The following EPB41L2 variants were observed in gnomAD, a reference collection of about 807,000 sequenced individuals.
EPB41L2 encodes erythrocyte membrane protein band 4.1 like 2, also known as band 4.1-like protein 2.
A neutral mutation model predicts 113.0 loss-of-function variants in EPB41L2; 43 were observed. The observed-to-expected ratio is 0.38, with a 90% confidence interval of 0.30 to 0.49. The LOEUF (loss-of-function observed/expected upper bound fraction) is 0.49, where lower values mean the gene tolerates loss of function less well. Ranked by LOEUF, EPB41L2 falls within the 20% of genes least tolerant of loss-of-function variation. EPB41L2 has a pLI of 0.95. For synonymous variants in EPB41L2, 442 were observed against 436.7 expected (o/e 1.01, Z -0.15); for missense variants, 1,147 against 1,223.4 (o/e 0.94, Z 0.93).
intron 3 of EPB41L2, 94 bp from the exon 4 acceptor site, chr6:130,926,803 AAATT>A: frequency 4.2e-6 from 3 of 719,614 alleles, no homozygotes; most frequent in Non-Finnish European, 6.7e-6. Context: ...GATTTATTAT[AAATT>A]AACATTAAAT....
intron 4 of EPB41L2, among the ~76,000 whole-genome samples, chr6:130,910,924 G>A (rs533515242): frequency 4.8e-4 from 73 of 152,236 alleles, no homozygotes; most frequent in Non-Finnish European, 9.1e-4. Context: ...TACACTGTTG[G>A]TGGGAGTGTA....
chr6:130,954,181 T>C (rs1816569719), intron 3 of EPB41L2, among the ~76,000 whole-genome samples: 1 of 150,090 alleles, frequency 6.7e-6, no homozygotes. Flanking sequence ...GCCTCCCCAG[T>C]AGCTGGGAAT....
rs937125173 is a variant in EPB41L2 at position 130,916,503 on chromosome 6, A to G, written c.811-7640T>C. 3.9e-5 allele frequency among the ~76,000 whole-genome samples: 6 copies of G among 152,232 alleles called. No homozygotes were observed. The South Asian group carries it at 1.2e-3, about 32-fold the overall frequency. ...GAATACCAGTGTTAGAAAGAACCTCAGAATAATGGTCCAAATGTCCATATT... is the reference window on the plus strand; with the variant it reads ...GAATACCAGTGTTAGAAAGAACCTCGGAATAATGGTCCAAATGTCCATATT... On this transcript the variant is annotated intron_variant, in intron 4 of 19. Transcript: ENST00000337057.
At chr6:130,883,300 G>A (rs3777440) in intron 12 of EPB41L2, 62,964 of 152,222 alleles carry the variant, frequency 0.41, 15,464 homozygotes, top group Non-Finnish European at 0.52. Context: ...CTTTAAAGGA[G>A]GGACCATATT....
chr6:130,880,369 A>G (rs758837043), intron 12 of EPB41L2, 163 bp from the exon 13 acceptor site: 616 of 621,380 alleles, frequency 9.9e-4, no homozygotes, highest in Non-Finnish European at 1.5e-3. Flanking sequence ...ACTCACAAAT[A>G]AACCCTGAGA....
intron 1 of EPB41L2, among the ~76,000 whole-genome samples, chr6:130,987,856 T>A (rs1007794979): frequency 6.6e-6 from 1 of 151,354 alleles, no homozygotes; most frequent in Non-Finnish European, 1.5e-5. Context: ...CTCACACCTA[T>A]AATCCCAATA....
At chr6:130,973,662 G>T (rs963073547) in intron 1 of EPB41L2, among the ~76,000 whole-genome samples, 1 of 152,202 alleles carries the variant, frequency 6.6e-6, no homozygotes, top group East Asian at 1.9e-4. Context: ...ATGCATATCC[G>T]ATTGCCTCTT....
chr6:130,860,332 T>C (rs528275366), intron 18 of EPB41L2, among the ~76,000 whole-genome samples: 32 of 152,318 alleles, frequency 2.1e-4, no homozygotes, highest in African/African-American at 6.5e-4. Context: ...ACATATGAAA[T>C]ACACTCTAAT....
intron 14 of EPB41L2, chr6:130,876,880 C>CTGGGT: frequency 6.2e-6 from 3 of 480,878 alleles, no homozygotes; most frequent in South Asian, 2.7e-5. Flanking sequence ...ATGACACACA[C>CTGGGT]CAGGAGAAGT....
At chr6:131,025,603 G>A (rs1166046119) in intron 1 of EPB41L2, among the ~76,000 whole-genome samples, 1 of 152,044 alleles carries the variant, frequency 6.6e-6, no homozygotes, top group Non-Finnish European at 1.5e-5. Context: ...ACTCCCCCTT[G>A]GGCTTTCACT....
At chr6:130,871,950 G>A (rs1003069307) in intron 14 of EPB41L2, among the ~76,000 whole-genome samples, 10 of 152,118 alleles carry the variant, frequency 6.6e-5, no homozygotes, top group Non-Finnish European at 1.5e-4. Context: ...TCATTCAAAA[G>A]CAATTATGTC....
intron 1 of EPB41L2, among the ~76,000 whole-genome samples, chr6:130,965,582 G>A (rs1387434366): frequency 1.3e-5 from 2 of 151,150 alleles, no homozygotes; most frequent in Non-Finnish European, 2.9e-5. Flanking sequence ...TAAATTTTTG[G>A]CTAGGCCAAT....
intron 4 of EPB41L2, among the ~76,000 whole-genome samples, chr6:130,926,300 T>C (rs757562892): frequency 2.6e-5 from 4 of 152,216 alleles, no homozygotes; most frequent in Admixed American, 1.3e-4. Flanking sequence ...ATAATACCAT[T>C]TATTCTGTGT....
At chr6:130,901,640 T>C (rs548929323) in intron 6 of EPB41L2, among the ~76,000 whole-genome samples, 1 of 152,212 alleles carries the variant, frequency 6.6e-6, no homozygotes. Context: ...ACAACAGTTA[T>C]TGGTAAATCT....
At chr6:130,898,756 G>A (rs771151075) in intron 8 of EPB41L2, among the ~76,000 whole-genome samples, 9 of 152,100 alleles carry the variant, frequency 5.9e-5, no homozygotes, top group Non-Finnish European at 1.0e-4. Flanking sequence ...AGTGGCCTAT[G>A]AACTTCTGTT....
intron 1 of EPB41L2, among the ~76,000 whole-genome samples, chr6:130,968,869 T>G (rs560315095): frequency 4.0e-5 from 6 of 149,856 alleles, no homozygotes; most frequent in African/African-American, 1.5e-4. Flanking sequence ...ATGTATTTGT[T>G]TTTTTAGAGG....
rs747035036 is a variant in EPB41L2, at chr6:130,867,595, G to C, written c.2608-14C>G. ...TACCACTGGTGGCTGAGGTGGAAAA[G>C]GAAGGGAAAAATAAATTCTAGAGGT... On this transcript the variant is annotated splice_polypyrimidine_tract_variant and intron_variant, in intron 15 of 19. Coordinates refer to ENST00000337057, the MANE Select transcript of EPB41L2 (RefSeq NM_001431.4). 6.2e-7 allele frequency: 1 copy of C among 1,613,364 alleles called. No homozygotes were observed. The highest frequency in any genetic ancestry group is 8.5e-7 in the Non-Finnish European group (1 of 1,179,622).
At chr6:130,966,934 T>A (rs7741148) in intron 1 of EPB41L2, among the ~76,000 whole-genome samples, 75,697 of 151,978 alleles carry the variant, frequency 0.5, 21,465 homozygotes, top group East Asian at 0.94. Flanking sequence ...CCTCAAAGAA[T>A]CTGATTTCTG....
chr6:130,892,402 G>GTTTTTTTTTTTTTTTTT (rs1793188588), intron 10 of EPB41L2, among the ~76,000 whole-genome samples: 4 of 53,366 alleles, frequency 7.5e-5, no homozygotes, highest in Non-Finnish European at 1.8e-4. Flanking sequence ...ACAGATTATT[G>GTTTTTTTTTTTTTTTTT]CTTTTTTTTT....
Sources: gnomAD v4.1 joint callset for allele counts (sites outside exome capture counted in the v4.1 genomes callset) on GRCh38, gnomAD v4.1.1 for gene constraint, MANE v1.5 for transcripts, NCBI Gene and HGNC (gene_info 2026-07-23, HGNC 2026-07-21) for gene names.